Variants in PDLIM5 observed in about 807,000 individuals in gnomAD.
PDLIM5 encodes PDZ and LIM domain protein 5.
Under a neutral mutation model 64.2 loss-of-function variants are expected in PDLIM5, and 34 were observed. The observed-to-expected ratio is 0.53, with a 90% CI of 0.40 to 0.71. PDLIM5 has a LOEUF of 0.71. Ranked by LOEUF, PDLIM5 falls within the 30% of genes least tolerant of loss-of-function variation. PDLIM5 has a pLI of 0.00. For synonymous variants in PDLIM5, 253 were observed against 269.1 expected (o/e 0.94, Z 0.59); for missense variants, 683 against 733.6 (o/e 0.93, Z 0.80).
chr4:94,622,892 A>G (rs1051069335), intron 8 of PDLIM5, among the ~76,000 whole-genome samples: 22 of 152,012 alleles, frequency 1.4e-4, no homozygotes, highest in Admixed American at 1.2e-3. Flanking sequence ...GATGGTCTCA[A>G]TCTCCTGACC....
At chr4:94,612,074 C>T (rs538289364) in intron 7 of PDLIM5, among the ~76,000 whole-genome samples, 108 of 152,044 alleles carry the variant, frequency 7.1e-4, no homozygotes, top group Non-Finnish European at 1.2e-4. Flanking sequence ...AAAAATTAGC[C>T]GGGTGTGGCA....
intron 3 of PDLIM5, among the ~76,000 whole-genome samples, chr4:94,570,269 T>C (rs1324555033): frequency 6.6e-6 from 1 of 152,174 alleles, no homozygotes; most frequent in Admixed American, 6.5e-5. Flanking sequence ...ATTCTGCTGC[T>C]TTTGTCTTTT....
chr4:94,488,475 G>A (rs761638586), intron 2 of PDLIM5, among the ~76,000 whole-genome samples: 2 of 152,054 alleles, frequency 1.3e-5, no homozygotes, highest in Non-Finnish European at 2.9e-5. Context: ...AGTAAACCAT[G>A]ATATTCTTAA....
rs74640623 is a variant in PDLIM5, at chr4:94,536,240, T to G, written c.248+12365T>G. ...ATGAGGGTGAGGAGTGTAGCAGAGA[T>G]AGAAAATCCCAGGCCGGAAGACAGC... On this transcript the variant is annotated intron_variant, in intron 3 of 12. Coordinates refer to ENST00000317968, the MANE Select transcript of PDLIM5 (RefSeq NM_006457.5). Among the ~76,000 whole-genome samples, 1,104 of 152,072 alleles carry G rather than the reference T, an allele frequency of 7.3e-3. 32 individuals carry two copies. The highest frequency in any genetic ancestry group is 0.015 in the East Asian group (76 of 5,168).
chr4:94,642,754 C>G (rs1478451534), intron 9 of PDLIM5, among the ~76,000 whole-genome samples: 1 of 152,066 alleles, frequency 6.6e-6, no homozygotes, highest in Non-Finnish European at 1.5e-5. Flanking sequence ...AGTTCTTGGC[C>G]TCAGTGTCAC....
intron 8 of PDLIM5, among the ~76,000 whole-genome samples, chr4:94,632,127 A>T (rs1740204575): frequency 6.6e-6 from 1 of 152,386 alleles, no homozygotes; most frequent in Admixed American, 6.5e-5. Context: ...CCTTTCTGGC[A>T]GTTATCCCAC....
chr4:94,596,388 CTT>C (rs1299118076), intron 7 of PDLIM5, among the ~76,000 whole-genome samples: 1 of 152,096 alleles, frequency 6.6e-6, no homozygotes, highest in African/African-American at 2.4e-5. Flanking sequence ...TAGTCCTTCT[CTT>C]ATAATGCTGT....
chr4:94,624,222 A>T (rs1739484137), intron 8 of PDLIM5, among the ~76,000 whole-genome samples: 1 of 151,556 alleles, frequency 6.6e-6, no homozygotes, highest in African/African-American at 2.4e-5. Flanking sequence ...GGAGGCTGAG[A>T]TGGGAAGATC....
chr4:94,496,976 A>T (rs1727458723), intron 2 of PDLIM5, among the ~76,000 whole-genome samples: 1 of 152,178 alleles, frequency 6.6e-6, no homozygotes, highest in East Asian at 1.9e-4. Flanking sequence ...ATTTTTATTG[A>T]TGGTAGTGCA....
intron 2 of PDLIM5, among the ~76,000 whole-genome samples, chr4:94,515,280 A>G (rs1729264255): frequency 6.6e-6 from 1 of 152,206 alleles, no homozygotes; most frequent in African/African-American, 2.4e-5. Flanking sequence ...ATTGAAGGTA[A>G]TGCCTTATGG....
chr4:94,631,639 C>T (rs746192819), intron 8 of PDLIM5, among the ~76,000 whole-genome samples: 1 of 152,200 alleles, frequency 6.6e-6, no homozygotes, highest in Non-Finnish European at 1.5e-5. Context: ...AAGACATTAA[C>T]TGGCAAAGAA....
In PDLIM5 at chr4:94,555,254, G is replaced by A. The variant is rs1224944355; in HGVS notation, c.249-18097G>A. Among the ~76,000 whole-genome samples, 6 of 146,872 alleles carry A rather than the reference G, an allele frequency of 4.1e-5. No homozygotes were observed. In the South Asian group the frequency reaches 8.8e-4, roughly 22 times the overall value. On this transcript the variant is annotated intron_variant, in intron 3 of 12. Transcript: ENST00000317968. ...TTTTTAGTAGAGATGGGGTTTCCCC[G>A]CCATGTTGGCCAGGAGTCTTGAACT...
At chr4:94,587,441 A>T (rs2110320474) in intron 7 of PDLIM5, 1 of 974,096 alleles carries the variant, frequency 1.0e-6, no homozygotes, top group Non-Finnish European at 1.2e-6. Flanking sequence ...GAGCAAATAA[A>T]GTCCTTGTCT....
chr4:94,607,131 G>A (rs1036871485), intron 7 of PDLIM5, among the ~76,000 whole-genome samples: 2 of 151,934 alleles, frequency 1.3e-5, no homozygotes, highest in South Asian at 2.1e-4. Context: ...AACTGTCTAC[G>A]TTTTTTCAAC....
intron 5 of PDLIM5, among the ~76,000 whole-genome samples, chr4:94,583,517 A>C (rs1356471938): frequency 6.6e-6 from 1 of 152,194 alleles, no homozygotes; most frequent in African/African-American, 2.4e-5. Flanking sequence ...AAGGACTTGC[A>C]TAAGATAAAG....
Position 94,664,071 on chromosome 4 carries a change from TC to T in PDLIM5, c.*5del. ...TGCTCATTCTGTGAATTTTTGAAAG[TC>T]AACAGTTCAGGAGAAGAGAAGGAAT... On this transcript the variant is annotated 3_prime_UTR_variant, in exon 13 of 13. Coordinates refer to ENST00000317968, the MANE Select transcript of PDLIM5 (RefSeq NM_006457.5). The T allele has an allele frequency of 6.3e-7, 1 of 1,592,126 alleles. No homozygotes were observed. Among genetic ancestry groups the T allele is most frequent in the Non-Finnish European group, 8.6e-7 (1 of 1,165,454 alleles).
intron 9 of PDLIM5, among the ~76,000 whole-genome samples, chr4:94,645,747 C>A (rs1276455984): frequency 6.6e-6 from 1 of 152,168 alleles, no homozygotes; most frequent in Non-Finnish European, 1.5e-5. Context: ...TTTCTTCTCT[C>A]TCCGACTTCA....
At chr4:94,514,167 C>T (rs1362289018) in intron 2 of PDLIM5, among the ~76,000 whole-genome samples, 10 of 136,474 alleles carry the variant, frequency 7.3e-5, no homozygotes, top group Admixed American at 2.4e-4. Context: ...CGGAGTCTTA[C>T]GTGGTCGCCA....
At chr4:94,549,665 T>C (rs995278084) in intron 3 of PDLIM5, 32 of 152,176 alleles carry the variant, frequency 2.1e-4, no homozygotes, top group African/African-American at 7.5e-4. Flanking sequence ...TAAAACAGTG[T>C]GCGTAGTATC....
Sources: allele counts gnomAD v4.1 joint callset (sites outside exome capture counted in the v4.1 genomes callset), GRCh38; gene constraint gnomAD v4.1.1; transcripts MANE v1.5; gene names NCBI Gene and HGNC (gene_info 2026-07-23, HGNC 2026-07-21).